Variants in SLCO2A1 observed in about 807,000 individuals in gnomAD.
The protein encoded by SLCO2A1 is matrin F/G 1.
SLCO2A1 carries 60 observed loss-of-function variants against 71.7 expected under a neutral mutation model. The observed-to-expected ratio is 0.84, with a 90% confidence interval of 0.68 to 1.04. The LOEUF (loss-of-function observed/expected upper bound fraction) is 1.04, where lower values mean the gene tolerates loss of function less well. Among genes scored for constraint, SLCO2A1 ranks in the 50% least tolerant of loss-of-function variants. The probability of loss-of-function intolerance (pLI) is 0.00; values close to 1 mark genes in which losing one functional copy is unlikely to be tolerated. For missense variants in SLCO2A1, 745 were observed against 813.4 expected (o/e 0.92, Z 1.02); for synonymous variants, 308 against 326.7 (o/e 0.94, Z 0.62).
In SLCO2A1 at chr3:133,945,194, G is replaced by C. The variant is rs1442318610; in HGVS notation, c.1362C>G (p.Ile454Met). The C allele has an allele frequency of 2.5e-6, 4 of 1,614,088 alleles. No individual in the cohort carries two copies. In the Admixed American group the frequency reaches 6.7e-5, roughly 27 times the overall value. ...CATTGTCTCCACAGACCGGGTGGAA[G>C]ATAGAATCTGGGCACGAGCAGTCCC... ...CRRDCSCPDS[I>M]FHPVCGDNGI... Residue 454 changes from isoleucine (I) to methionine (M), a missense_variant, in exon 10 of 14, where the codon ATC (isoleucine) becomes ATG (methionine). Ile to Met is a conservative substitution (Grantham distance 10). Coordinates refer to ENST00000310926, the MANE Select transcript of SLCO2A1 (RefSeq NM_005630.3).
chr3:133,962,741 G>A (rs13071986), intron 3 of SLCO2A1, among the ~76,000 whole-genome samples: 1 of 152,102 alleles, frequency 6.6e-6, no homozygotes, highest in Admixed American at 6.5e-5. Context: ...GCTACTCCAC[G>A]TAACTTATAG....
At chr3:133,956,634 A>G (rs1933905435) in intron 3 of SLCO2A1, among the ~76,000 whole-genome samples, 1 of 152,210 alleles carries the variant, frequency 6.6e-6, no homozygotes, top group Admixed American at 6.5e-5. Flanking sequence ...CTCCATGTTC[A>G]TTATCCTGCC....
At chr3:134,009,246 G>A (rs1935282987) in intron 1 of SLCO2A1, among the ~76,000 whole-genome samples, 1 of 152,154 alleles carries the variant, frequency 6.6e-6, no homozygotes, top group Admixed American at 6.5e-5. Flanking sequence ...CACAGTATAG[G>A]TACGTGCCCT....
chr3:133,999,476 GGCCGAGCAGGGCT>G (rs1412415637), intron 1 of SLCO2A1, among the ~76,000 whole-genome samples: 1 of 138,364 alleles, frequency 7.2e-6, no homozygotes, highest in Non-Finnish European at 1.6e-5. Context: ...GGAGACCAAG[GGCCGAGCAGGGCT>G]GCCTCCCCCA....
chr3:134,023,662 T>A (rs188804072), intron 1 of SLCO2A1, among the ~76,000 whole-genome samples: 34 of 152,308 alleles, frequency 2.2e-4, no homozygotes, highest in Non-Finnish European at 4.1e-4. Context: ...TACTAGAGGA[T>A]CATGGAAGTT....
intron 1 of SLCO2A1, among the ~76,000 whole-genome samples, chr3:133,990,295 A>AT (rs978654252): frequency 2.0e-5 from 3 of 152,186 alleles, no homozygotes; most frequent in African/African-American, 7.2e-5. Flanking sequence ...TTTGTCATTG[A>AT]TTTTTCTCCT....
chr3:134,002,037 C>A (rs955211729), intron 1 of SLCO2A1, among the ~76,000 whole-genome samples: 1 of 152,164 alleles, frequency 6.6e-6, no homozygotes, highest in African/African-American at 2.4e-5. Flanking sequence ...ACAAAGGGGA[C>A]CCCCACCAGC....
intron 1 of SLCO2A1, 141 bp from the exon 2 acceptor site, chr3:133,979,759 G>T: frequency 1.2e-6 from 1 of 868,576 alleles, no homozygotes; most frequent in Non-Finnish European, 1.7e-6. Flanking sequence ...GGGTCTCCAG[G>T]ATGAAACGTC....
At chr3:133,979,360 C>A (rs190059341) in intron 2 of SLCO2A1, 121 bp downstream of exon 2, 97 of 1,263,462 alleles carry the variant, frequency 7.7e-5, no homozygotes, top group Non-Finnish European at 1.0e-4. Context: ...TGCTGTTACC[C>A]GGCAGAAAGA....
intron 1 of SLCO2A1, 110 bp downstream of exon 1, chr3:134,029,597 G>A (rs1302219728): frequency 1.3e-6 from 1 of 792,366 alleles, no homozygotes; most frequent in Non-Finnish European, 1.9e-6. Context: ...GGCACAGGAG[G>A]GAGCCCGGGG....
At chr3:134,009,827 T>C (rs182220224) in intron 1 of SLCO2A1, among the ~76,000 whole-genome samples, 1 of 152,298 alleles carries the variant, frequency 6.6e-6, no homozygotes, top group East Asian at 1.9e-4. Context: ...CAACAGTCTG[T>C]GGTTTGTGGT....
intron 1 of SLCO2A1, among the ~76,000 whole-genome samples, chr3:133,999,049 T>C (rs898366693): frequency 6.6e-6 from 1 of 152,236 alleles, no homozygotes; most frequent in South Asian, 2.1e-4. Flanking sequence ...GGCAGCTCTG[T>C]TGGAACACCG....
intron 1 of SLCO2A1, among the ~76,000 whole-genome samples, chr3:134,008,581 C>A (rs1011828045): frequency 6.6e-6 from 1 of 152,212 alleles, no homozygotes; most frequent in Non-Finnish European, 1.5e-5. Flanking sequence ...GGAACAGACC[C>A]CTAGTTAGCA....
intron 1 of SLCO2A1, among the ~76,000 whole-genome samples, chr3:134,027,562 T>A (rs1159696893): frequency 2.0e-5 from 3 of 152,218 alleles, no homozygotes; most frequent in Non-Finnish European, 2.9e-5. Context: ...ACAGCAGTCT[T>A]GCTGATGCCC....
At chr3:133,964,879 C>G (rs1014056070) in intron 3 of SLCO2A1, among the ~76,000 whole-genome samples, 4 of 152,196 alleles carry the variant, frequency 2.6e-5, no homozygotes, top group Non-Finnish European at 5.9e-5. Context: ...GCTGCCCACA[C>G]CCCCACACCC....
intron 8 of SLCO2A1, among the ~76,000 whole-genome samples, 193 bp from the exon 9 acceptor site, chr3:133,947,638 G>C (rs557544335): frequency 4.6e-5 from 7 of 152,332 alleles, no homozygotes; most frequent in Non-Finnish European, 1.0e-4. Context: ...GAAATATCTT[G>C]AGACAGGATT....
intron 11 of SLCO2A1, 61 bp from the exon 12 acceptor site, chr3:133,938,554 A>G: frequency 2.0e-6 from 3 of 1,534,762 alleles, no homozygotes; most frequent in Non-Finnish European, 2.7e-6. Flanking sequence ...TCCCTTGGGT[A>G]AGGGGCAGCC....
rs150428875 is a variant in SLCO2A1 at position 133,968,656 on chromosome 3, T to A, written c.397+5007A>T. The stretch of plus-strand genomic sequence containing the variant: ...ATCCATTGTCTGCATGTGGGCAGAC[T>A]TCCCTCTGGACTTGGCTGAAGGATC... On this transcript the variant is annotated intron_variant, in intron 3 of 13. Transcript: ENST00000310926. 4.2e-3 allele frequency among the ~76,000 whole-genome samples: 637 copies of A among 152,396 alleles called. 7 individuals carry two copies. Among genetic ancestry groups the A allele is most frequent in the African/African-American group, 0.015 (617 of 41,600 alleles).
chr3:133,985,808 T>C (rs973189206), intron 1 of SLCO2A1, among the ~76,000 whole-genome samples: 1 of 152,222 alleles, frequency 6.6e-6, no homozygotes, highest in Middle Eastern at 3.2e-3. Context: ...CTCCAGAATA[T>C]ACATCCACCA....
Sources: allele counts gnomAD v4.1 joint callset (sites outside exome capture counted in the v4.1 genomes callset), GRCh38; gene constraint gnomAD v4.1.1; transcripts MANE v1.5; gene names NCBI Gene and HGNC (gene_info 2026-07-23, HGNC 2026-07-21).